Variants in SMG6 observed in about 807,000 individuals in gnomAD.
The protein encoded by SMG6 is telomerase-binding protein EST1A.
A neutral mutation model predicts 142.2 loss-of-function variants in SMG6; 66 were observed. That is an observed-to-expected ratio of 0.46 (90% CI 0.38 to 0.57). The LOEUF (loss-of-function observed/expected upper bound fraction) is 0.57. Among genes scored for constraint, SMG6 ranks in the 20% least tolerant of loss-of-function variants. The pLI is 0.00. For missense variants in SMG6, 1,793 were observed against 1,832.0 expected (o/e 0.98, Z 0.39); for synonymous variants, 779 against 702.4 (o/e 1.11, Z -1.72).
At chr17:2,109,089 A>C (rs1325360392) in intron 13 of SMG6, among the ~76,000 whole-genome samples, 1 of 152,246 alleles carries the variant, frequency 6.6e-6, no homozygotes, top group Non-Finnish European at 1.5e-5. Context: ...ACAGAGCATA[A>C]TAAAGGCTAT....
chr17:2,236,698 G>GTCTCTC (rs199975798), intron 9 of SMG6, 61 bp from the exon 10 acceptor site: 2 of 1,255,044 alleles, frequency 1.6e-6, no homozygotes, highest in African/African-American at 4.9e-5. Context: ...CTCTCACTCT[G>GTCTCTC]TCTCACACAC....
Position 2,299,974 on chromosome 17 carries a change from C to A in SMG6, c.779G>T (p.Ser260Ile). The A allele has an allele frequency of 6.2e-7, 1 of 1,614,106 alleles. No individual in the cohort carries two copies. The highest frequency in any genetic ancestry group is 8.5e-7 in the Non-Finnish European group (1 of 1,180,034). Residue 260 changes from serine to isoleucine, a missense_variant, in exon 2 of 19, where the codon AGC becomes ATC. Coordinates refer to ENST00000263073, the MANE Select transcript of SMG6 (RefSeq NM_017575.5). This position sits in a 1 kb window ranked among gnomAD's most constrained non-coding sequence, Gnocchi z 4.3. ...AGCGCTGTTGTTGCTGCCAGCTGAGCTGGTGCTGCGCGTGCGGTAGCGATT... is the reference window on the plus strand; with the variant it reads ...AGCGCTGTTGTTGCTGCCAGCTGAGATGGTGCTGCGCGTGCGGTAGCGATT... ...RRNRYRTRST[S>I]SAGSNNSAEG...
intron 15 of SMG6, among the ~76,000 whole-genome samples, chr17:2,077,656 G>A (rs1222138238): frequency 6.6e-6 from 1 of 152,148 alleles, no homozygotes; most frequent in African/African-American, 2.4e-5. Flanking sequence ...TAATATTGGT[G>A]CTTTTACCAC....
At chr17:2,251,459 G>A (rs955571795) in intron 8 of SMG6, among the ~76,000 whole-genome samples, 1 of 152,120 alleles carries the variant, frequency 6.6e-6, no homozygotes, top group East Asian at 1.9e-4. Context: ...AGGGCTGGAT[G>A]ACAGCTCAAT....
chr17:2,065,240 C>A, intron 17 of SMG6, 86 bp from the exon 18 acceptor site: 1 of 1,252,466 alleles, frequency 8.0e-7, no homozygotes, highest in Admixed American at 1.8e-5. Context: ...CCTCGGGGGC[C>A]CTGGGCAGGG....
rs2068004091 is a variant in SMG6, at chr17:2,068,247, G to A, written c.3835+531C>T. 6.6e-6 allele frequency among the ~76,000 whole-genome samples: 1 copy of A among 152,226 alleles called. No individual in the cohort carries two copies. Among genetic ancestry groups the A allele is most frequent in the Admixed American group, 6.5e-5 (1 of 15,292 alleles). On this transcript the variant is annotated intron_variant, in intron 16 of 18. Transcript: ENST00000263073. This position sits in a 1 kb window ranked among gnomAD's most constrained non-coding sequence, Gnocchi z 6.7. ...AGGGCCCAAGTGGTAGGAATCCACA[G>A]GCATGAGCCAAGGGCTTGCTCTGGA...
intron 6 of SMG6, among the ~76,000 whole-genome samples, chr17:2,289,374 G>A (rs1238498375): frequency 6.6e-6 from 1 of 152,108 alleles, no homozygotes; most frequent in Non-Finnish European, 1.5e-5. Flanking sequence ...CTGGGCAACG[G>A]AGTGAGATCC....
chr17:2,284,086 A>C (rs1359648645), intron 6 of SMG6, among the ~76,000 whole-genome samples: 1 of 152,218 alleles, frequency 6.6e-6, no homozygotes, highest in Non-Finnish European at 1.5e-5. Flanking sequence ...TCAGAGAGTC[A>C]GTATGCTATA....
At chr17:2,279,621 G>C (rs575379006) in intron 8 of SMG6, among the ~76,000 whole-genome samples, 3 of 152,186 alleles carry the variant, frequency 2.0e-5, no homozygotes, top group Non-Finnish European at 1.5e-5. Context: ...TGGCAGCAAT[G>C]AGAAAGGAGA....
chr17:2,281,493 T>C (rs2074784765), intron 8 of SMG6, among the ~76,000 whole-genome samples: 1 of 152,174 alleles, frequency 6.6e-6, no homozygotes, highest in African/African-American at 2.4e-5. Flanking sequence ...ACTGTAATAA[T>C]ATGACTTGTG....
At chr17:2,148,371 G>T (rs951998648) in intron 13 of SMG6, among the ~76,000 whole-genome samples, 3 of 152,172 alleles carry the variant, frequency 2.0e-5, no homozygotes, top group African/African-American at 7.2e-5. Flanking sequence ...TCCATCAACA[G>T]GTGAATGGAC....
At position 2,297,243 on chromosome 17, in the gene SMG6, T is replaced by G. The variant is rs751491364; in HGVS notation, c.2151A>C (p.Thr717=). 1 of 1,589,282 alleles carries G rather than the reference T, an allele frequency of 6.3e-7. No individual in the cohort carries two copies. Among genetic ancestry groups the G allele is most frequent in the East Asian group, 2.2e-5 (1 of 44,742 alleles). The stretch of plus-strand genomic sequence containing the variant: ...AAGATACATAAAGAAGGTAGCTTAC[T>G]GTCTTGCGTAATGGCTTGCTGCGAA... ...LAIRSKPLRK[T]VKYALISAQR... Residue 717 remains threonine, a splice_region_variant and synonymous_variant, in exon 4 of 19, where the codon ACA becomes ACC. Coordinates refer to ENST00000263073, the MANE Select transcript of SMG6 (RefSeq NM_017575.5).
intron 13 of SMG6, among the ~76,000 whole-genome samples, chr17:2,139,967 C>T (rs1567629937): frequency 6.6e-6 from 1 of 151,698 alleles, no homozygotes; most frequent in East Asian, 2.0e-4. Flanking sequence ...CTCATGTGAT[C>T]CTCCCACCTC....
At chr17:2,222,071 T>C (rs1021911081) in intron 10 of SMG6, among the ~76,000 whole-genome samples, 2 of 152,200 alleles carry the variant, frequency 1.3e-5, no homozygotes, top group African/African-American at 4.8e-5. Flanking sequence ...ATATAACGCA[T>C]GTTTACTGAG....
At chr17:2,192,530 G>A (rs2072195526) in intron 10 of SMG6, among the ~76,000 whole-genome samples, 1 of 152,204 alleles carries the variant, frequency 6.6e-6, no homozygotes, top group Non-Finnish European at 1.5e-5. Flanking sequence ...AAGAGCTGGA[G>A]AAAAACGCAG....
intron 10 of SMG6, among the ~76,000 whole-genome samples, chr17:2,223,485 C>T (rs1181974255): frequency 6.6e-6 from 1 of 152,224 alleles, no homozygotes; most frequent in Non-Finnish European, 1.5e-5. Flanking sequence ...ACAAGCAAAC[C>T]GAATAGCACT....
rs1424286607 is a variant in SMG6 at position 2,088,639 on chromosome 17, C to CCCTGGG, written c.3358-2739_3358-2738insCCCAGG. On this transcript the variant is annotated intron_variant, in intron 13 of 18. Transcript: ENST00000263073. ...AGGTTGTCTGTCTTTTGGAAGAGTA[C>CCCTGGG]CCTGTCCTTTGCAATCCAAGCAGCA... 4.0e-5 allele frequency: 39 copies of CCCTGGG among 985,428 alleles called. No homozygotes were observed. The East Asian group carries it at 7.9e-4, about 20-fold the overall frequency. 61.0% of individuals were successfully genotyped at this position (985,428 alleles called of 1,614,324 possible).
intron 13 of SMG6, among the ~76,000 whole-genome samples, chr17:2,098,901 A>C (rs538460729): frequency 6.6e-6 from 1 of 152,090 alleles, no homozygotes; most frequent in East Asian, 1.9e-4. Flanking sequence ...AAAGGGCTGG[A>C]ATTACAGGCG....
chr17:2,221,771 T>C (rs1028603196), intron 10 of SMG6, among the ~76,000 whole-genome samples: 2 of 152,126 alleles, frequency 1.3e-5, no homozygotes, highest in Non-Finnish European at 2.9e-5. Context: ...TGAGACGGAG[T>C]CTTGCAATGT....
Sources: allele counts gnomAD v4.1 joint callset (sites outside exome capture counted in the v4.1 genomes callset), GRCh38; gene constraint gnomAD v4.1.1; non-coding constraint Gnocchi (gnomAD v3.1); transcripts MANE v1.5; gene names NCBI Gene and HGNC (gene_info 2026-07-23, HGNC 2026-07-21).